The following ECPAS variants were observed in gnomAD, a reference collection of about 807,000 sequenced individuals.
ECPAS encodes the protein Ecm29 proteasome adaptor and scaffold.
Under a neutral mutation model 255.1 loss-of-function variants are expected in ECPAS, and 70 were observed. The ratio of observed to expected loss-of-function variants is 0.27; its 90% CI spans 0.23 to 0.33. ECPAS has a LOEUF of 0.33. ECPAS is among the 10% of genes least tolerant of loss of function. ECPAS has a pLI of 1.00. For missense variants in ECPAS, 1,817 were observed against 2,206.4 expected, an observed-to-expected ratio of 0.82 and a Z score of 3.54; for synonymous variants, 784 against 775.0, an observed-to-expected ratio of 1.01 and a Z score of -0.19.
intron 1 of ECPAS, among the ~76,000 whole-genome samples, chr9:111,475,364 A>G (rs938700069): frequency 2.0e-5 from 3 of 152,240 alleles, no homozygotes; most frequent in Non-Finnish European, 4.4e-5. Context: ...GAACAAGGTC[A>G]ATGCTCCTGT....
At chr9:111,378,034 T>G (rs2098135561) in intron 36 of ECPAS, among the ~76,000 whole-genome samples, 1 of 152,016 alleles carries the variant, frequency 6.6e-6, no homozygotes, top group South Asian at 2.1e-4. Context: ...TAATCTCAGC[T>G]ACTCGGGATG....
chr9:111,454,800 C>T (rs1258886015), intron 2 of ECPAS, among the ~76,000 whole-genome samples: 1 of 151,908 alleles, frequency 6.6e-6, no homozygotes, highest in African/African-American at 2.4e-5. Flanking sequence ...GCCTCAACCT[C>T]CTGGGCTATT....
rs775965821 is a variant in ECPAS, at chr9:111,425,411, C to T, written c.1215+7G>A. 3.1e-5 allele frequency: 48 copies of T among 1,551,766 alleles called. No homozygotes were observed. Among genetic ancestry groups the T allele is most frequent in the Non-Finnish European group, 3.4e-5 (39 of 1,147,808 alleles). ...TGTTGATAAAATTTAAAAGACAAGT[C>T]ACTTACCTCTTTGTATTCATTGATT... On this transcript the variant is annotated splice_region_variant and intron_variant, in intron 12 of 49. Coordinates refer to ENST00000684092, the MANE Select transcript of ECPAS (RefSeq NM_001364929.1).
chr9:111,393,594 T>C, intron 27 of ECPAS, 86 bp downstream of exon 27: 1 of 882,618 alleles, frequency 1.1e-6, no homozygotes, highest in Non-Finnish European at 1.8e-6. Flanking sequence ...CTCAAGAAAG[T>C]TTTCTTTCAT....
chr9:111,385,122 T>C (rs2098146054), intron 33 of ECPAS, among the ~76,000 whole-genome samples: 1 of 152,202 alleles, frequency 6.6e-6, no homozygotes, highest in Non-Finnish European at 1.5e-5. Flanking sequence ...AAAGAAGGTA[T>C]ACAGCCACCT....
In ECPAS at chr9:111,437,020, G is replaced by A; in HGVS notation, c.628C>T (p.Gln210Ter). The A allele has an allele frequency of 6.2e-7, 1 of 1,613,198 alleles. No homozygotes were observed. The highest frequency in any genetic ancestry group is 2.2e-5 in the East Asian group (1 of 44,804). The change falls in exon 7 of 50, where the codon CAG (glutamine) becomes TAG (stop). Residue 210 changes from glutamine to a stop codon, truncating the protein, a stop_gained. Transcript: ENST00000684092. LOFTEE classifies it high-confidence loss of function. ...SNSGGGSGIPQPPPGMSFYAA... is the reference protein window; with the variant it reads ...SNSGGGSGIP ...TAAAAGCTCATTCCCGGAGGAGGCT[G>A]TGGGATTCCAGAACCTCCGCCACTG...
rs2098113449 is a variant in ECPAS at position 111,361,667 on chromosome 9, T to C, written c.*363A>G. 1 of 158,032 alleles carries C rather than the reference T, an allele frequency of 6.3e-6. No homozygotes were observed. The highest frequency in any genetic ancestry group is 1.4e-5 in the Non-Finnish European group (1 of 72,098). 9.8% of individuals were successfully genotyped at this position (158,032 alleles called of 1,614,324 possible). ...TAAAATAAGTTATTTATAGGGCCCC[T>C]TCCTGAAATAACTAATTTGAATGCA... On this transcript the variant is annotated 3_prime_UTR_variant, in exon 50 of 50. Coordinates refer to ENST00000684092, the MANE Select transcript of ECPAS (RefSeq NM_001364929.1).
Position 111,451,571 on chromosome 9 carries a change from A to G in ECPAS, c.23-16T>C. ...TCAAGCTGATCTATAATATAAAAAGAAAAAAAGAGAGAACTTAGCAAGCCA... is the reference window on the plus strand; with the variant it reads ...TCAAGCTGATCTATAATATAAAAAGGAAAAAAGAGAGAACTTAGCAAGCCA... On this transcript the variant is annotated splice_polypyrimidine_tract_variant and intron_variant, in intron 2 of 49. Transcript: ENST00000684092. The G allele has an allele frequency of 6.6e-7, 1 of 1,525,434 alleles. No homozygotes were observed. The highest frequency in any genetic ancestry group is 8.7e-7 in the Non-Finnish European group (1 of 1,143,440). 94.5% of individuals were successfully genotyped at this position (1,525,434 alleles called of 1,614,324 possible).
At chr9:111,422,108 C>T in intron 14 of ECPAS, 26 bp downstream of exon 14, 3 of 1,613,754 alleles carry the variant, frequency 1.9e-6, no homozygotes, top group Non-Finnish European at 2.5e-6. Flanking sequence ...AAACACAAAG[C>T]ATAAACTTAG....
At chr9:111,438,541 A>G (rs1023858055) in intron 6 of ECPAS, among the ~76,000 whole-genome samples, 1 of 152,190 alleles carries the variant, frequency 6.6e-6, no homozygotes, top group African/African-American at 2.4e-5. Flanking sequence ...CCAGGAGGTC[A>G]AGGCTGCATT....
chr9:111,411,747 A>G (rs2098194798), intron 21 of ECPAS: 2 of 318,948 alleles, frequency 6.3e-6, no homozygotes, highest in African/African-American at 4.4e-5. Context: ...GCAGGCTCTG[A>G]GCATCCTGTT....
intron 3 of ECPAS, among the ~76,000 whole-genome samples, chr9:111,446,526 T>A (rs1172322096): frequency 6.6e-6 from 1 of 152,196 alleles, no homozygotes; most frequent in African/African-American, 2.4e-5. Context: ...CCAAGAGATC[T>A]ACAGCAATAA....
chr9:111,470,843 G>A (rs142627358), intron 2 of ECPAS, among the ~76,000 whole-genome samples: 120 of 151,684 alleles, frequency 7.9e-4, no homozygotes, highest in African/African-American at 2.7e-3. Flanking sequence ...CAGGTGACAA[G>A]ACAGAAGCCC....
intron 7 of ECPAS, among the ~76,000 whole-genome samples, chr9:111,434,367 TAGG>T (rs2098234550): frequency 6.6e-6 from 1 of 152,172 alleles, no homozygotes; most frequent in Admixed American, 6.5e-5. Flanking sequence ...TGTCCATCAA[TAGG>T]AGACTGGTTA....
chr9:111,481,886 G>A (rs1012137201), intron 1 of ECPAS, among the ~76,000 whole-genome samples: 2 of 152,222 alleles, frequency 1.3e-5, no homozygotes, highest in African/African-American at 2.4e-5. Flanking sequence ...GAGGTAGGAA[G>A]AATACTCAAA....
At chr9:111,372,260 G>C (rs2098128262) in intron 42 of ECPAS, among the ~76,000 whole-genome samples, 169 bp downstream of exon 42, 1 of 152,150 alleles carries the variant, frequency 6.6e-6, no homozygotes, top group Non-Finnish European at 1.5e-5. Context: ...AATTTGGATG[G>C]GTTCAAAACT....
intron 25 of ECPAS, 116 bp downstream of exon 25, chr9:111,396,914 T>C (rs2098168420): frequency 3.8e-6 from 5 of 1,327,980 alleles, no homozygotes; most frequent in African/African-American, 2.9e-5. Context: ...GTAAAACAGA[T>C]ATAAATATTT....
intron 2 of ECPAS, among the ~76,000 whole-genome samples, chr9:111,459,619 T>C (rs1460816302): frequency 1.3e-5 from 2 of 152,130 alleles, no homozygotes; most frequent in Admixed American, 6.6e-5. Flanking sequence ...AAAAATCCCA[T>C]GTGACAATAC....
intron 24 of ECPAS, among the ~76,000 whole-genome samples, chr9:111,400,573 T>G (rs1391835112): frequency 2.0e-5 from 3 of 152,084 alleles, no homozygotes; most frequent in East Asian, 3.9e-4. Context: ...AAGAGAAATT[T>G]AGTAAAGAGA....
Sources: allele counts gnomAD v4.1 joint callset (sites outside exome capture counted in the v4.1 genomes callset), GRCh38; gene constraint gnomAD v4.1.1; transcripts MANE v1.5; gene names NCBI Gene and HGNC (gene_info 2026-07-23, HGNC 2026-07-21).